BMP1: variants seen among roughly 807,000 people sequenced by gnomAD.
BMP1 encodes mammalian tolloid protein.
A neutral mutation model predicts 116.8 loss-of-function variants in BMP1; 63 were observed. The observed-to-expected ratio is 0.54, with a 90% confidence interval of 0.44 to 0.67. The LOEUF (loss-of-function observed/expected upper bound fraction) is 0.67, where lower values mean the gene tolerates loss of function less well. BMP1 is among the 30% of genes least tolerant of loss of function. The pLI is 0.00. For missense variants in BMP1, 1,183 were observed against 1,358.9 expected (o/e 0.87, Z 2.04); for synonymous variants, 536 against 533.4 (o/e 1.00, Z -0.07).
chr8:22,170,066 C>A, intron 1 of BMP1: 1 of 152,868 alleles, frequency 6.5e-6, no homozygotes, highest in African/African-American at 2.4e-5. Flanking sequence ...CCCTAAGGCT[C>A]TCCTGCCCAT....
At chr8:22,190,743 C>A (rs953692902) in intron 8 of BMP1, among the ~76,000 whole-genome samples, 3 of 152,200 alleles carry the variant, frequency 2.0e-5, no homozygotes, top group African/African-American at 7.2e-5. Context: ...TACAGACAGC[C>A]ACTGCCAGTG....
intron 15 of BMP1, chr8:22,201,274 G>T: frequency 7.1e-6 from 11 of 1,543,564 alleles, no homozygotes; most frequent in Non-Finnish European, 9.6e-6. Context: ...TGGGGGCTTC[G>T]GTGCCCACCA....
chr8:22,177,224 C>T, intron 5 of BMP1, 85 bp downstream of exon 5: 8 of 1,381,464 alleles, frequency 5.8e-6, no homozygotes, highest in Non-Finnish European at 7.9e-6. Context: ...CAGTGGCAGC[C>T]GCTCCAGCCA....
rs372901134 is a variant in BMP1, at chr8:22,197,268, G to A, written c.1955G>A (p.Arg652His). ...DVCKYDFVEV[R>H]SGLTADSKLH... ...TGCAAGTACGACTTCGTGGAGGTGC[G>A]CAGTGGACTCACAGCTGACTCCAAG... Residue 652 changes from arginine to histidine, a missense_variant, in exon 15 of 20, where the codon CGC becomes CAC. Around this residue, in one of 4 missense-constraint regions of BMP1, gnomAD observed 956 missense variants for 1,135.2 expected, o/e 0.84. Transcript: ENST00000306385. The A allele has an allele frequency of 2.9e-5, 46 of 1,613,202 alleles. No individual in the cohort carries two copies. Among genetic ancestry groups the A allele is most frequent in the African/African-American group, 8.0e-5 (6 of 74,892 alleles).
intron 2 of BMP1, among the ~76,000 whole-genome samples, chr8:22,174,672 A>T (rs1586437667): frequency 8.6e-6 from 1 of 115,982 alleles, no homozygotes; most frequent in Non-Finnish European, 1.6e-5. Flanking sequence ...TCAGTCTGTT[A>T]CCTAGGCTAG....
At chr8:22,210,023 C>G (rs1044902069) in intron 19 of BMP1, among the ~76,000 whole-genome samples, 5 of 152,282 alleles carry the variant, frequency 3.3e-5, no homozygotes, top group African/African-American at 1.2e-4. Flanking sequence ...TACCCCTCCC[C>G]CAAGGCAGCC....
rs1013544459 is a variant in BMP1, at chr8:22,209,371, G to A, written c.2576-74G>A. On this transcript the variant is annotated intron_variant, in intron 18 of 19. Coordinates refer to ENST00000306385, the MANE Select transcript of BMP1 (RefSeq NM_006129.5). Reference sequence around the variant, plus strand: ...GGCCTCCATCCTGCCGTGAGGGCACGCCATGGCATAGTGTGCCATGGGGCC... The same window carrying A: ...GGCCTCCATCCTGCCGTGAGGGCACACCATGGCATAGTGTGCCATGGGGCC... The A allele has an allele frequency of 8.3e-6, 13 of 1,564,820 alleles. No individual in the cohort carries two copies. In the East Asian group the frequency reaches 1.6e-4, roughly 19 times the overall value.
At chr8:22,201,462 G>A (rs987076998) in intron 15 of BMP1, 21 of 1,403,864 alleles carry the variant, frequency 1.5e-5, no homozygotes, top group African/African-American at 4.4e-5. Context: ...GGACCCCTGC[G>A]TCCTGCTCCT....
At chr8:22,192,397 G>C in intron 9 of BMP1, 1 of 417,376 alleles carries the variant, frequency 2.4e-6, no homozygotes. Context: ...GCCTCCCTGT[G>C]AAGTTGGCTG....
intron 15 of BMP1, chr8:22,198,870 G>T: frequency 1.9e-6 from 2 of 1,050,638 alleles, no homozygotes. Context: ...CCCCATGCCA[G>T]GCCAATTTCT....
chr8:22,208,765 G>C (rs1445175461), intron 18 of BMP1, among the ~76,000 whole-genome samples: 1 of 152,162 alleles, frequency 6.6e-6, no homozygotes, highest in Non-Finnish European at 1.5e-5. Flanking sequence ...CACCTGTCAG[G>C]GCATCCCCAG....
At chr8:22,210,953 T>C (rs1400195373) in intron 19 of BMP1, among the ~76,000 whole-genome samples, 3 of 152,240 alleles carry the variant, frequency 2.0e-5, no homozygotes, top group African/African-American at 7.2e-5. Flanking sequence ...GGCCAGGGCG[T>C]TGACGTCCGA....
intron 13 of BMP1, chr8:22,196,407 G>C: frequency 1.7e-6 from 1 of 599,026 alleles, no homozygotes; most frequent in Middle Eastern, 4.6e-4. Context: ...ACTCCCTCTT[G>C]GAGGACCTTG....
At chr8:22,196,294 C>G (rs1399464590) in intron 13 of BMP1, 1 of 551,232 alleles carries the variant, frequency 1.8e-6, no homozygotes, top group Non-Finnish European at 3.5e-6. Context: ...ATGGCTCCAG[C>G]TCACTAGGCC....
At chr8:22,201,220 C>T (rs763511915) in intron 15 of BMP1, 39 of 1,607,254 alleles carry the variant, frequency 2.4e-5, no homozygotes, top group African/African-American at 4.0e-5. Flanking sequence ...CCAGGCCTCC[C>T]GGACCCCTTG....
chr8:22,205,901 A>T (rs1356990248), intron 16 of BMP1, among the ~76,000 whole-genome samples: 1 of 152,208 alleles, frequency 6.6e-6, no homozygotes, highest in African/African-American at 2.4e-5. Context: ...GAAACAGTGG[A>T]TGATGACAAA....
chr8:22,168,799 G>A (rs189699979), intron 1 of BMP1, among the ~76,000 whole-genome samples: 23 of 152,226 alleles, frequency 1.5e-4, no homozygotes, highest in Admixed American at 1.3e-4. Flanking sequence ...CGCAAGGGGT[G>A]AGGAAAAAAT....
At chr8:22,183,818 C>T (rs1333030034) in intron 8 of BMP1, among the ~76,000 whole-genome samples, 5 of 152,042 alleles carry the variant, frequency 3.3e-5, no homozygotes, top group African/African-American at 7.3e-5. Flanking sequence ...TGAGGTGATT[C>T]GCCTGCCTCG....
chr8:22,187,334 T>C (rs1828802590), intron 8 of BMP1, among the ~76,000 whole-genome samples: 1 of 149,966 alleles, frequency 6.7e-6, no homozygotes, highest in Non-Finnish European at 1.5e-5. Context: ...AATTAATTTA[T>C]TTATTTATTT....
Sources: allele counts gnomAD v4.1 joint callset (sites outside exome capture counted in the v4.1 genomes callset), GRCh38; gene constraint gnomAD v4.1.1; regional missense constraint gnomAD v4.1.1; transcripts MANE v1.5; gene names NCBI Gene and HGNC (gene_info 2026-07-23, HGNC 2026-07-21).